CHD4: variants seen among roughly 807,000 people sequenced by gnomAD.
CHD4 encodes chromodomain helicase DNA binding protein 4, also known as ATP-dependent chromatin remodeler CHD4.
CHD4 carries 35 observed loss-of-function variants against 235.5 expected under a neutral mutation model. The ratio of observed to expected loss-of-function variants is 0.15; its 90% CI spans 0.11 to 0.20. The LOEUF is 0.20. CHD4 is among the 10% of genes least tolerant of loss of function. The pLI, the probability that CHD4 is intolerant of heterozygous loss-of-function variation, is 1.00. For missense variants in CHD4, 1,329 were observed against 2,432.3 expected (o/e 0.55, Z 9.54); for synonymous variants, 900 against 850.2 (o/e 1.06, Z -1.02).
chr12:6,590,851 G>A lies in CHD4; in HGVS notation c.3340+615C>T, dbSNP rs184073969. ...ATAAACAAAACAAAACAGGCTGGGC[G>A]TGGTGGCTCGTGCCTGTAATCCCAG... On this transcript the variant is annotated intron_variant, in intron 22 of 39. Coordinates refer to ENST00000544040, the MANE Select transcript of CHD4 (RefSeq NM_001273.5). Among the ~76,000 whole-genome samples the A allele has an allele frequency of 2.1e-4, 32 of 152,204 alleles. No homozygotes were observed. The East Asian group carries it at 6.0e-3, about 28-fold the overall frequency.
At chr12:6,600,154 G>T in intron 9 of CHD4, 63 bp downstream of exon 9, 1 of 1,590,314 alleles carries the variant, frequency 6.3e-7, no homozygotes, top group Non-Finnish European at 8.6e-7. Flanking sequence ...AGGCCCCGAA[G>T]AGCTTTACTG....
chr12:6,594,006 T>C (rs113104597), intron 15 of CHD4, among the ~76,000 whole-genome samples: 23,924 of 152,096 alleles, frequency 0.16, 2,029 homozygotes, highest in African/African-American at 0.2. Context: ...CGGCTAATTT[T>C]GTATTTTTAG....
At chr12:6,577,535 C>T (rs1357567348) in intron 37 of CHD4, among the ~76,000 whole-genome samples, 1 of 152,096 alleles carries the variant, frequency 6.6e-6, no homozygotes, top group African/African-American at 2.4e-5. Context: ...CTGCAGTGTT[C>T]CCCAAACAAA....
intron 14 of CHD4, 94 bp from the exon 15 acceptor site, chr12:6,594,744 C>A (rs1948456437): frequency 8.6e-7 from 1 of 1,163,840 alleles, no homozygotes; most frequent in Non-Finnish European, 1.2e-6. Context: ...CTTCACGGAT[C>A]CTCTTGGGGA....
At chr12:6,596,820 C>T (rs1257486461) in intron 12 of CHD4, among the ~76,000 whole-genome samples, 3 of 149,420 alleles carry the variant, frequency 2.0e-5, no homozygotes, top group Admixed American at 1.3e-4. Context: ...ATTAGGCAGG[C>T]GTGGTGGCAC....
intron 12 of CHD4, among the ~76,000 whole-genome samples, chr12:6,597,230 C>T (rs1405692558): frequency 6.7e-6 from 1 of 149,164 alleles, no homozygotes; most frequent in Non-Finnish European, 1.5e-5. Context: ...GAGCCAAGAT[C>T]ACGCCACTGC....
intron 15 of CHD4, among the ~76,000 whole-genome samples, 200 bp downstream of exon 15, chr12:6,594,259 G>A (rs747628555): frequency 4.6e-5 from 7 of 152,014 alleles, no homozygotes; most frequent in Admixed American, 1.3e-4. Flanking sequence ...CAAATCTTCC[G>A]CTGTGTACAT....
At position 6,578,848 on chromosome 12, in the gene CHD4, T is replaced by C. The variant is rs1057523969; in HGVS notation, c.4979A>G (p.Lys1660Arg). The stretch of plus-strand genomic sequence containing the variant: ...AATCAACTTCTCCAAACACCCACCT[T>C]TGTCTTCTACCACAATAGGGGTCAG... ...IDLTPIVVED[K>R]EEKKEEEEKK... The change falls in exon 34 of 40, where the codon AAA (lysine) becomes AGA (arginine). Residue 1660 changes from lysine to arginine, a missense_variant and splice_region_variant. Lys to Arg is a conservative substitution (Grantham distance 26, BLOSUM62 2). This residue lies in a region of CHD4 where 219 missense variants were observed against 219.3 expected (regional missense o/e 1.00). Transcript: ENST00000544040. 6.2e-7 allele frequency: 1 copy of C among 1,614,148 alleles called. No homozygotes were observed. The highest frequency in any genetic ancestry group is 1.7e-5 in the Admixed American group (1 of 60,024).
chr12:6,571,167 C>G, intron 38 of CHD4, 135 bp from the exon 39 acceptor site: 1 of 1,035,336 alleles, frequency 9.7e-7, no homozygotes, highest in South Asian at 1.6e-5. Context: ...CTGACCTGAC[C>G]TCCACCATGT....
chr12:6,575,566 C>CT (rs1948056650), intron 37 of CHD4, among the ~76,000 whole-genome samples: 1 of 151,868 alleles, frequency 6.6e-6, no homozygotes, highest in African/African-American at 2.4e-5. Flanking sequence ...GTGTTGTTTC[C>CT]TTTATCTTTA....
At chr12:6,588,030 A>G in intron 23 of CHD4, 81 bp from the exon 24 acceptor site, 2 of 1,430,840 alleles carry the variant, frequency 1.4e-6, no homozygotes, top group South Asian at 2.4e-5. Flanking sequence ...AATATTCTAA[A>G]TTCAGTACAA....
In CHD4 at chr12:6,581,709, G is replaced by T. The variant is rs755444102; in HGVS notation, c.4621C>A (p.Pro1541Thr). 9 of 1,608,420 alleles carry T rather than the reference G, an allele frequency of 5.6e-6. No homozygotes were observed. The African/African-American group carries it at 6.7e-5, about 12-fold the overall frequency. Reference protein sequence around the residue: ...SQPGSPSPKTPTPSTPGDTQP... With the variant: ...SQPGSPSPKTTTPSTPGDTQP... ...GTGTCCCCTGGAGTGGAGGGTGTAG[G>T]AGTTTTTGGGGAGGGTGACCCTGGC... Residue 1541 changes from proline to threonine, a missense_variant, in exon 31 of 40, where the codon CCT becomes ACT. Physicochemically the swap from Pro to Thr is conservative, Grantham distance 38 (BLOSUM62 -1). Around this residue, in one of 26 missense-constraint regions of CHD4, gnomAD observed 219 missense variants for 219.3 expected, o/e 1.00. Transcript: ENST00000544040.
rs919314065 is a variant in CHD4, at chr12:6,587,815, C to T, written c.3600G>A (p.Arg1200=). 10 of 1,614,102 alleles carry T rather than the reference C, an allele frequency of 6.2e-6. No homozygotes were observed. The highest frequency in any genetic ancestry group is 7.6e-6 in the Non-Finnish European group (9 of 1,180,064). Residue 1200 remains arginine, a synonymous_variant, in exon 24 of 40, where the codon CGG becomes CGA. Coordinates refer to ENST00000544040, the MANE Select transcript of CHD4 (RefSeq NM_001273.5). ...KKMMLTHLVV[R]PGLGSKTGSM... is the part of the protein sequence containing the mutation. ...ATCCAGTCTTGGAGCCCAGCCCAGG[C>T]CGCACCACTAGATGCGTCAGCATCA...
At chr12:6,576,948 T>C (rs555848012) in intron 37 of CHD4, among the ~76,000 whole-genome samples, 2 of 152,242 alleles carry the variant, frequency 1.3e-5, no homozygotes, top group South Asian at 4.1e-4. Flanking sequence ...CGTCTTTTTT[T>C]TTTTTTGAGA....
At chr12:6,580,944 T>C (rs1592264076) in intron 33 of CHD4, 100 bp downstream of exon 33, 2 of 1,340,534 alleles carry the variant, frequency 1.5e-6, no homozygotes, top group Non-Finnish European at 2.1e-6. Flanking sequence ...GAGGTGGAGG[T>C]TGCAGTAAGC....
In CHD4 at chr12:6,570,359, T is replaced by C; in HGVS notation, c.*317A>G. 1 of 379,222 alleles carries C rather than the reference T, an allele frequency of 2.6e-6. No individual in the cohort carries two copies. The highest frequency in any genetic ancestry group is 4.7e-6 in the Non-Finnish European group (1 of 210,914). 23.5% of individuals were successfully genotyped at this position (379,222 alleles called of 1,614,324 possible). Reference sequence around the variant, plus strand: ...AAAAGGAGGAAAAAATTCAGATCATTTTCTTCAAGCCTGGCAGGAACCCAC... The same window carrying C: ...AAAAGGAGGAAAAAATTCAGATCATCTTCTTCAAGCCTGGCAGGAACCCAC... On this transcript the variant is annotated 3_prime_UTR_variant, in exon 40 of 40. Transcript: ENST00000544040.
chr12:6,571,972 CA>C, intron 38 of CHD4: 1 of 151,014 alleles, frequency 6.6e-6, no homozygotes, highest in Non-Finnish European at 1.5e-5. Flanking sequence ...AAAAAACAAA[CA>C]AAAAAACCCA....
intron 25 of CHD4, 115 bp from the exon 26 acceptor site, chr12:6,583,493 C>G (rs997544491): frequency 1.1e-6 from 1 of 878,510 alleles, no homozygotes; most frequent in African/African-American, 1.7e-5. Flanking sequence ...CTCTTAAATA[C>G]TTGGTGTGCC....
chr12:6,604,355 G>A (rs1948653117), intron 2 of CHD4, among the ~76,000 whole-genome samples: 1 of 152,020 alleles, frequency 6.6e-6, no homozygotes, highest in South Asian at 2.1e-4. Context: ...GCCCTAAAAT[G>A]TCTCTGGCTC....
Sources: gnomAD v4.1 joint callset for allele counts (sites outside exome capture counted in the v4.1 genomes callset) on GRCh38, gnomAD v4.1.1 for gene constraint, gnomAD v4.1.1 regional missense constraint, MANE v1.5 for transcripts, NCBI Gene and HGNC (gene_info 2026-07-23, HGNC 2026-07-21) for gene names.